Variants in PDE11A observed in about 807,000 individuals in gnomAD.
PDE11A encodes the protein phosphodiesterase 11A.
In PDE11A, 100 loss-of-function variants were observed where a neutral mutation model predicts 100.5. That is an observed-to-expected ratio of 1.00 (90% CI 0.85 to 1.18). The LOEUF (loss-of-function observed/expected upper bound fraction) is 1.18. Among genes scored for constraint, PDE11A ranks in the 50% most tolerant of loss-of-function variants. The pLI is 0.00. For missense variants in PDE11A, 1,141 were observed against 1,152.6 expected (o/e 0.99, Z 0.15); for synonymous variants, 381 against 420.8 (o/e 0.91, Z 1.16).
upstream of PDE11A, among the ~76,000 whole-genome samples, chr2:178,073,466 A>T (rs1197215948): frequency 2.6e-5 from 4 of 152,214 alleles, no homozygotes; most frequent in Admixed American, 2.0e-4. Flanking sequence ...GTAAGTGCTG[A>T]AGAGTCTGGA....
intron 10 of PDE11A, among the ~76,000 whole-genome samples, chr2:177,736,024 C>T (rs1366785039): frequency 6.6e-6 from 1 of 152,224 alleles, no homozygotes; most frequent in African/African-American, 2.4e-5. Flanking sequence ...CACTCAACAG[C>T]GAACCCTTTC....
chr2:177,720,755 T>C (rs1053067565), intron 12 of PDE11A, among the ~76,000 whole-genome samples: 18 of 152,336 alleles, frequency 1.2e-4, no homozygotes, highest in Middle Eastern at 3.4e-3. Flanking sequence ...CAACCAAATA[T>C]TGATTTGGCA....
rs1276381063 is a variant in PDE11A, at chr2:177,741,784, C to T, written c.1789-13612G>A. On this transcript the variant is annotated intron_variant, in intron 10 of 19. Transcript: ENST00000286063. ...AAGAACTGGGTGTGATGGCTCATGC[C>T]TGTAATCCCAACACTTTGGAAGGCC... Among the ~76,000 whole-genome samples, 3 of 152,156 alleles carry T rather than the reference C, an allele frequency of 2.0e-5. No homozygotes were observed. The East Asian group carries it at 5.8e-4, about 29-fold the overall frequency.
chr2:177,661,616 C>A (rs997958916), intron 19 of PDE11A, among the ~76,000 whole-genome samples: 12 of 152,144 alleles, frequency 7.9e-5, no homozygotes, highest in African/African-American at 2.7e-4. Flanking sequence ...CAGTTGAGGG[C>A]TCTTAAAATG....
At chr2:177,836,901 G>A (rs201025496) in intron 6 of PDE11A, among the ~76,000 whole-genome samples, 23 of 152,134 alleles carry the variant, frequency 1.5e-4, no homozygotes, top group East Asian at 7.7e-4. Context: ...AAACACATCC[G>A]AACATCAGAA....
intron 15 of PDE11A, among the ~76,000 whole-genome samples, chr2:177,684,532 G>A (rs2080913968): frequency 6.6e-6 from 1 of 152,156 alleles, no homozygotes; most frequent in African/African-American, 2.4e-5. Context: ...CCCTGATGAG[G>A]ATGATATTCA....
upstream of PDE11A, among the ~76,000 whole-genome samples, chr2:178,075,369 T>C (rs1330519303): frequency 6.6e-6 from 1 of 151,884 alleles, no homozygotes; most frequent in Non-Finnish European, 1.5e-5. Context: ...CTGCCCAATA[T>C]GGCGAAACCC....
intron 15 of PDE11A, among the ~76,000 whole-genome samples, chr2:177,694,998 A>AT (rs60279596): frequency 2.1e-4 from 30 of 142,198 alleles, no homozygotes; most frequent in South Asian, 6.7e-4. Context: ...TCTGAATTTC[A>AT]TTTTTTTTTT....
At chr2:177,939,530 A>G (rs2085320675) in intron 2 of PDE11A, among the ~76,000 whole-genome samples, 1 of 18,732 alleles carries the variant, frequency 5.3e-5, no homozygotes, top group Non-Finnish European at 1.4e-4. Flanking sequence ...GGAGGGAGGG[A>G]GGAAGGAAGG....
At chr2:178,052,624 A>T (rs936622168) in intron 1 of PDE11A, among the ~76,000 whole-genome samples, 1 of 152,218 alleles carries the variant, frequency 6.6e-6, no homozygotes, top group African/African-American at 2.4e-5. Context: ...TAGCAAGACT[A>T]ATAAAGAAGA....
intron 4 of PDE11A, among the ~76,000 whole-genome samples, chr2:177,876,160 A>G (rs1464664882): frequency 1.3e-5 from 2 of 152,244 alleles, no homozygotes; most frequent in Admixed American, 1.3e-4. Context: ...AAACATGTAC[A>G]TATTTTTACA....
chr2:177,760,152 C>T lies in PDE11A; in HGVS notation c.1788+9171G>A, dbSNP rs1265313585. Among the ~76,000 whole-genome samples the T allele has an allele frequency of 3.9e-5, 6 of 152,262 alleles. 1 individual carries two copies. Among genetic ancestry groups the T allele is most frequent in the Admixed American group, 3.3e-4 (5 of 15,288 alleles). On this transcript the variant is annotated intron_variant, in intron 10 of 19. Coordinates refer to ENST00000286063, the MANE Select transcript of PDE11A (RefSeq NM_016953.4). ...TTGCTGGTTCTTTGATCCTTAGTTGCCTTCTACATAAAATGGAGATATGCT... is the reference window on the plus strand; with the variant it reads ...TTGCTGGTTCTTTGATCCTTAGTTGTCTTCTACATAAAATGGAGATATGCT...
rs79639757 is a variant in PDE11A at position 177,675,277 on chromosome 2, A to G, written c.2487+178T>C. ...GAAAGCACGATAAAAAAAAAAAAAA[A>G]GGGCTGTGCAATAAACTGTGTCGTG... On this transcript the variant is annotated intron_variant, in intron 17 of 19. Coordinates refer to ENST00000286063, the MANE Select transcript of PDE11A (RefSeq NM_016953.4). Among the ~76,000 whole-genome samples the G allele has an allele frequency of 4.4e-4, 66 of 149,542 alleles. 1 individual carries two copies. The highest frequency in any genetic ancestry group is 8.2e-4 in the Non-Finnish European group (55 of 67,260).
At chr2:177,918,241 T>C (rs921256422) in intron 2 of PDE11A, among the ~76,000 whole-genome samples, 1 of 152,248 alleles carries the variant, frequency 6.6e-6, no homozygotes, top group Admixed American at 6.5e-5. Flanking sequence ...TAGAACAGTC[T>C]AACTTACAAA....
chr2:177,955,974 C>T (rs1243042984), intron 2 of PDE11A, among the ~76,000 whole-genome samples: 1 of 152,154 alleles, frequency 6.6e-6, no homozygotes, highest in African/African-American at 2.4e-5. Context: ...AAAACCTAGG[C>T]AATACCATTC....
rs191330613 is a variant in PDE11A at position 177,907,079 on chromosome 2, T to C, written c.1072-1892A>G. ...AATGAAGATGTGAAATGTTTTCTAATATATCATAGGCTTGCTTCACTTCAT... is the reference window on the plus strand; with the variant it reads ...AATGAAGATGTGAAATGTTTTCTAACATATCATAGGCTTGCTTCACTTCAT... On this transcript the variant is annotated intron_variant, in intron 2 of 19. Transcript: ENST00000286063. Among the ~76,000 whole-genome samples the C allele has an allele frequency of 4.7e-4, 72 of 152,258 alleles. 2 individuals carry two copies. In the East Asian group the frequency reaches 0.013, roughly 29 times the overall value.
At chr2:177,637,751 T>C (rs1350740010) in intron 19 of PDE11A, among the ~76,000 whole-genome samples, 3 of 150,944 alleles carry the variant, frequency 2.0e-5, no homozygotes, top group African/African-American at 7.3e-5. Flanking sequence ...TATTTAGCCA[T>C]TGGCATTGTC....
chr2:177,901,611 T>C (rs954390579), intron 3 of PDE11A, among the ~76,000 whole-genome samples: 2 of 152,086 alleles, frequency 1.3e-5, no homozygotes, highest in African/African-American at 4.8e-5. Flanking sequence ...CATCAAAAGG[T>C]GAAAAAACTT....
At chr2:177,836,258 T>A (rs543385826) in intron 6 of PDE11A, among the ~76,000 whole-genome samples, 7 of 152,280 alleles carry the variant, frequency 4.6e-5, no homozygotes, top group South Asian at 2.1e-4. Context: ...GTCTAGCTAA[T>A]CTAGTGGGGA....
Sources: gnomAD v4.1 joint callset for allele counts (sites outside exome capture counted in the v4.1 genomes callset) on GRCh38, gnomAD v4.1.1 for gene constraint, MANE v1.5 for transcripts, NCBI Gene and HGNC (gene_info 2026-07-23, HGNC 2026-07-21) for gene names.